TRHDE: variants seen among roughly 807,000 people sequenced by gnomAD.
TRHDE encodes thyrotropin releasing hormone degrading enzyme, also known as thyrotropin-releasing hormone-degrading ectoenzyme.
Under a neutral mutation model 125.7 loss-of-function variants are expected in TRHDE, and 72 were observed. That is an observed-to-expected ratio of 0.57 (90% confidence interval 0.47 to 0.70). The LOEUF is 0.70. TRHDE is among the 30% of genes least tolerant of loss of function. TRHDE has a pLI of 0.00. For missense variants in TRHDE, 1,110 were observed against 1,327.1 expected (o/e 0.84, Z 2.54); for synonymous variants, 509 against 509.1 (o/e 1.00, Z 0.00).
At chr12:72,156,513 G>C (rs939419849) in intron 2 of TRHDE, among the ~76,000 whole-genome samples, 4 of 152,132 alleles carry the variant, frequency 2.6e-5, no homozygotes, top group African/African-American at 9.7e-5. Flanking sequence ...GACTGGATCT[G>C]TTCCTATGCG....
chr12:72,339,886 C>G (rs993648289), intron 2 of TRHDE, among the ~76,000 whole-genome samples: 19 of 152,108 alleles, frequency 1.2e-4, no homozygotes, highest in African/African-American at 4.3e-4. Context: ...AGGTTTATCT[C>G]CCTGGGAGAG....
chr12:72,589,843 C>T (rs1312086423), intron 12 of TRHDE, among the ~76,000 whole-genome samples: 1 of 151,746 alleles, frequency 6.6e-6, no homozygotes, highest in Non-Finnish European at 1.5e-5. Context: ...CTCAAAGAAT[C>T]GGTTTCTGGT....
At chr12:72,579,837 A>C (rs185403507) in intron 12 of TRHDE, among the ~76,000 whole-genome samples, 1 of 152,242 alleles carries the variant, frequency 6.6e-6, no homozygotes, top group Admixed American at 6.5e-5. Flanking sequence ...ACTTATTTAA[A>C]GGTTTTAATT....
At chr12:72,298,125 GGCTAATAGAA>G (rs775274767) in intron 2 of TRHDE, among the ~76,000 whole-genome samples, 1 of 152,080 alleles carries the variant, frequency 6.6e-6, no homozygotes, top group Non-Finnish European at 1.5e-5. Context: ...ATATTGAAGA[GGCTAATAGAA>G]GCTAATAGAA....
chr12:72,224,091 C>CATCTATCTATCTATCTATCT (rs755241021), intron 2 of TRHDE, among the ~76,000 whole-genome samples: 643 of 50,236 alleles, frequency 0.013, 3 homozygotes, highest in East Asian at 0.02. Flanking sequence ...TCTATCTATC[C>CATCTATCTATCTATCTATCT]ATCTATCTAT....
Position 72,234,289 on chromosome 12 carries a change from G to A in TRHDE, n.279+128537G>A, listed in dbSNP as rs138604741. Among the ~76,000 whole-genome samples the A allele has an allele frequency of 3.7e-3, 566 of 152,228 alleles. 4 individuals carry two copies. Among genetic ancestry groups the A allele is most frequent in the African/African-American group, 0.013 (543 of 41,544 alleles). On this transcript the variant is annotated intron_variant and non_coding_transcript_variant, in intron 2 of 4. Transcript: ENST00000548156. The stretch of plus-strand genomic sequence containing the variant: ...CCAGCAGCCTCGTGTTATTGAAGAT[G>A]CAGACCTTAAATCAACAGCTGTTAC...
intron 2 of TRHDE, among the ~76,000 whole-genome samples, chr12:72,181,429 G>T (rs1309998695): frequency 6.6e-6 from 1 of 152,126 alleles, no homozygotes; most frequent in African/African-American, 2.4e-5. Flanking sequence ...CAACTCACTT[G>T]TGCAGCTTCT....
chr12:72,388,475 C>T (rs1267499513), intron 3 of TRHDE, among the ~76,000 whole-genome samples: 1 of 152,100 alleles, frequency 6.6e-6, no homozygotes, highest in African/African-American at 2.4e-5. Flanking sequence ...GTGCCTGGCC[C>T]AAAGTGGCAC....
intron 2 of TRHDE, among the ~76,000 whole-genome samples, chr12:72,289,678 T>A (rs1880016531): frequency 6.6e-6 from 1 of 152,204 alleles, no homozygotes; most frequent in Admixed American, 6.5e-5. Flanking sequence ...TCTAGGCTCT[T>A]GTGATATAGC....
intron 3 of TRHDE, among the ~76,000 whole-genome samples, chr12:72,439,616 T>G (rs540357249): frequency 6.6e-6 from 1 of 152,080 alleles, no homozygotes; most frequent in Non-Finnish European, 1.5e-5. Context: ...GAAACTTTAC[T>G]GAATTTTTTA....
chr12:72,269,702 G>C (rs1879151253), upstream of TRHDE, among the ~76,000 whole-genome samples: 1 of 152,118 alleles, frequency 6.6e-6, no homozygotes. Flanking sequence ...GAGCACAGTA[G>C]GGTGACTATA....
At chr12:72,132,627 C>T (rs1239928375) in intron 2 of TRHDE, among the ~76,000 whole-genome samples, 5 of 149,042 alleles carry the variant, frequency 3.4e-5, no homozygotes, top group Non-Finnish European at 5.9e-5. Flanking sequence ...CAACCCTGAG[C>T]TCTAAGTTCA....
intron 2 of TRHDE, among the ~76,000 whole-genome samples, chr12:72,352,490 A>T (rs1002917901): frequency 1.3e-5 from 2 of 151,818 alleles, no homozygotes; most frequent in Non-Finnish European, 2.9e-5. Context: ...TTTATATGAA[A>T]TATACTTTTT....
intron 3 of TRHDE, among the ~76,000 whole-genome samples, chr12:72,379,997 C>T (rs181531061): frequency 2.0e-4 from 31 of 152,238 alleles, no homozygotes; most frequent in East Asian, 1.5e-3. Flanking sequence ...TAAGCACATA[C>T]GCATTTTGAC....
At chr12:72,632,560 G>T (rs1873540061) in intron 15 of TRHDE, among the ~76,000 whole-genome samples, 2 of 151,828 alleles carry the variant, frequency 1.3e-5, no homozygotes, top group Non-Finnish European at 2.9e-5. Flanking sequence ...TTGGCAGCCT[G>T]CTGTTCAGTG....
chr12:72,462,113 CAAG>C (rs780111339), intron 3 of TRHDE, among the ~76,000 whole-genome samples: 3 of 152,254 alleles, frequency 2.0e-5, no homozygotes, highest in Admixed American at 1.3e-4. Context: ...TGCCTTCTGC[CAAG>C]AAGATCTGAG....
intron 2 of TRHDE, among the ~76,000 whole-genome samples, chr12:72,218,077 AG>A (rs1296511811): frequency 2.0e-5 from 3 of 152,154 alleles, no homozygotes; most frequent in Admixed American, 6.6e-5. Context: ...TTATTGGAAC[AG>A]ATGTGTAATA....
chr12:72,628,324 G>A (rs2136084315), intron 15 of TRHDE, among the ~76,000 whole-genome samples: 1 of 151,926 alleles, frequency 6.6e-6, no homozygotes, highest in Non-Finnish European at 1.5e-5. Flanking sequence ...AACTGAACTG[G>A]GGTCTACAGG....
intron 2 of TRHDE, among the ~76,000 whole-genome samples, chr12:72,370,081 G>T (rs889589323): frequency 3.3e-5 from 5 of 152,066 alleles, no homozygotes; most frequent in African/African-American, 1.2e-4. Flanking sequence ...AAAATATTTT[G>T]TACTTTTCTC....
Sources: allele counts gnomAD v4.1 joint callset (sites outside exome capture counted in the v4.1 genomes callset), GRCh38; gene constraint gnomAD v4.1.1; transcripts MANE v1.5; gene names NCBI Gene and HGNC (gene_info 2026-07-23, HGNC 2026-07-21).